The following VWC2L variants were observed in gnomAD, a reference collection of about 807,000 sequenced individuals.
VWC2L encodes von Willebrand factor C domain-containing protein 2-like.
Under a neutral mutation model 21.6 loss-of-function variants are expected in VWC2L, and 10 were observed. That is an observed-to-expected ratio of 0.46 (90% CI 0.29 to 0.78). The LOEUF (loss-of-function observed/expected upper bound fraction) is 0.78, where lower values mean the gene tolerates loss of function less well. Ranked by LOEUF, VWC2L falls within the 30% of genes least tolerant of loss-of-function variation. The probability of loss-of-function intolerance (pLI) is 0.10; values close to 1 mark genes in which losing one functional copy is unlikely to be tolerated. For synonymous variants in VWC2L, 96 were observed against 94.3 expected, an observed-to-expected ratio of 1.02 and a Z score of -0.10; for missense variants, 209 against 277.1, an observed-to-expected ratio of 0.75 and a Z score of 1.74.
chr2:214,466,400 T>G (rs1052235651), intron 3 of VWC2L, among the ~76,000 whole-genome samples: 14 of 152,204 alleles, frequency 9.2e-5, no homozygotes, highest in African/African-American at 3.4e-4. Context: ...CCTAGCTGCT[T>G]TTAATGTTTC....
rs1262588102 is a variant in VWC2L at position 214,522,274 on chromosome 2, G to C, written c.521-53398G>C. ...CCTGTAGTCCCAGCTACTCCGGAGG[G>C]TGACGCAGGAGAATGGCGTGAACCC... On this transcript the variant is annotated intron_variant, in intron 3 of 3. Transcript: ENST00000312504. Among the ~76,000 whole-genome samples the C allele has an allele frequency of 4.0e-5, 6 of 151,170 alleles. No homozygotes were observed. The South Asian group carries it at 1.0e-3, about 26-fold the overall frequency.
At chr2:214,527,839 A>G (rs1689368638) in intron 3 of VWC2L, among the ~76,000 whole-genome samples, 1 of 152,194 alleles carries the variant, frequency 6.6e-6, no homozygotes, top group African/African-American at 2.4e-5. Context: ...AGTTGTATCC[A>G]TGGCATAAAT....
At chr2:214,505,474 G>A (rs142182148) in intron 3 of VWC2L, among the ~76,000 whole-genome samples, 3,695 of 151,988 alleles carry the variant, frequency 0.024, 70 homozygotes, top group Non-Finnish European at 0.038. Context: ...ATAACTCCAA[G>A]CCTTGTTTTT....
intron 3 of VWC2L, among the ~76,000 whole-genome samples, chr2:214,554,954 T>G (rs925558282): frequency 1.3e-5 from 2 of 152,172 alleles, no homozygotes; most frequent in Non-Finnish European, 2.9e-5. Context: ...TTTCCTGGCC[T>G]TTTCCTGATC....
intron 3 of VWC2L, among the ~76,000 whole-genome samples, chr2:214,515,044 C>T (rs1019342082): frequency 6.6e-6 from 1 of 152,032 alleles, no homozygotes; most frequent in Non-Finnish European, 1.5e-5. Flanking sequence ...AGCATTAAGT[C>T]CCTCCCTGCC....
intron 3 of VWC2L, among the ~76,000 whole-genome samples, chr2:214,437,171 A>T (rs1406450704): frequency 6.6e-6 from 1 of 152,150 alleles, no homozygotes; most frequent in Non-Finnish European, 1.5e-5. Flanking sequence ...GAATGTAGAT[A>T]AGACCTTAGG....
chr2:214,526,677 T>C (rs1689343890), intron 3 of VWC2L, among the ~76,000 whole-genome samples: 1 of 152,216 alleles, frequency 6.6e-6, no homozygotes, highest in South Asian at 2.1e-4. Flanking sequence ...CTCATAAACC[T>C]AATTACCACA....
chr2:214,503,244 A>G (rs1287672116), intron 3 of VWC2L, among the ~76,000 whole-genome samples: 3 of 152,194 alleles, frequency 2.0e-5, no homozygotes, highest in Non-Finnish European at 4.4e-5. Context: ...CCAGTTTTCT[A>G]AGTTAACAAG....
chr2:214,492,741 G>A (rs970430253), intron 3 of VWC2L, among the ~76,000 whole-genome samples: 2 of 152,062 alleles, frequency 1.3e-5, no homozygotes, highest in African/African-American at 4.8e-5. Flanking sequence ...TTAATTTTGA[G>A]TTTTGGTATG....
At chr2:214,481,210 G>T (rs1311758043) in intron 3 of VWC2L, among the ~76,000 whole-genome samples, 2 of 152,168 alleles carry the variant, frequency 1.3e-5, no homozygotes, top group African/African-American at 2.4e-5. Context: ...AACTGGGCTG[G>T]CTATGAATTG....
intron 3 of VWC2L, among the ~76,000 whole-genome samples, chr2:214,545,888 T>C (rs1689698401): frequency 1.3e-5 from 2 of 152,000 alleles, no homozygotes; most frequent in Admixed American, 1.3e-4. Flanking sequence ...AAGGAAAAAA[T>C]ACTAGTTCAA....
intron 3 of VWC2L, among the ~76,000 whole-genome samples, chr2:214,562,517 A>T (rs1248740391): frequency 6.6e-6 from 1 of 152,218 alleles, no homozygotes; most frequent in African/African-American, 2.4e-5. Context: ...CAGTAATGGG[A>T]TTGCTGGGCC....
intron 3 of VWC2L, among the ~76,000 whole-genome samples, chr2:214,540,845 G>A (rs139881981): frequency 6.6e-6 from 1 of 152,158 alleles, no homozygotes; most frequent in Non-Finnish European, 1.5e-5. Flanking sequence ...GTGTCAAAAT[G>A]TTCTGTCTTT....
At position 214,538,897 on chromosome 2, in the gene VWC2L, G is replaced by A. The variant is rs376098591; in HGVS notation, c.521-36775G>A. Among the ~76,000 whole-genome samples the A allele has an allele frequency of 6.6e-4, 101 of 152,142 alleles. 1 individual carries two copies. The highest frequency in any genetic ancestry group is 2.2e-3 in the African/African-American group (92 of 41,524). ...CAGTTCTCAGTGTTGTTTGAGAGAC[G>A]AATTAGCTGTCTAGCCTTTTTGCAA... is the stretch of plus-strand genomic sequence containing the variant. On this transcript the variant is annotated intron_variant, in intron 3 of 3. Transcript: ENST00000312504.
chr2:214,531,714 G>C (rs1176493276), intron 3 of VWC2L, among the ~76,000 whole-genome samples: 1 of 152,030 alleles, frequency 6.6e-6, no homozygotes, highest in East Asian at 1.9e-4. Flanking sequence ...GACTGTCCAG[G>C]GGAGCGCCCA....
At chr2:214,565,287 T>C (rs1690045671) in intron 3 of VWC2L, among the ~76,000 whole-genome samples, 1 of 152,226 alleles carries the variant, frequency 6.6e-6, no homozygotes, top group Non-Finnish European at 1.5e-5. Flanking sequence ...TATCTTTGCC[T>C]ACTCTTTTAT....
At chr2:214,416,350 T>C (rs1702354907) in intron 2 of VWC2L, among the ~76,000 whole-genome samples, 1 of 152,108 alleles carries the variant, frequency 6.6e-6, no homozygotes, top group Non-Finnish European at 1.5e-5. Flanking sequence ...CTTCTCGTTA[T>C]AACCCTACTA....
chr2:214,526,740 G>A (rs1302819551), intron 3 of VWC2L, among the ~76,000 whole-genome samples: 5 of 152,144 alleles, frequency 3.3e-5, no homozygotes, highest in Admixed American at 6.6e-5. Flanking sequence ...AAAAAAGAAC[G>A]CTTATACCAT....
intron 3 of VWC2L, among the ~76,000 whole-genome samples, chr2:214,477,819 T>C (rs1263512721): frequency 6.6e-6 from 1 of 152,254 alleles, no homozygotes. Flanking sequence ...TATTACAATA[T>C]TAAGAGAATT....
Sources: gnomAD v4.1 joint callset for allele counts (sites outside exome capture counted in the v4.1 genomes callset) on GRCh38, gnomAD v4.1.1 for gene constraint, MANE v1.5 for transcripts, NCBI Gene and HGNC (gene_info 2026-07-23, HGNC 2026-07-21) for gene names.